The following NTM variants were observed in gnomAD, a reference collection of about 807,000 sequenced individuals.
NTM encodes the protein neurotrimin, also known as IgLON family member 2.
In NTM, 13 loss-of-function variants were observed where a neutral mutation model predicts 42.1. That is an observed-to-expected ratio of 0.31 (90% CI 0.20 to 0.49). The LOEUF (loss-of-function observed/expected upper bound fraction) is 0.49, where lower values mean the gene tolerates loss of function less well. Among genes scored for constraint, NTM ranks in the 20% least tolerant of loss-of-function variants. NTM has a pLI of 0.99. For synonymous variants in NTM, 187 were observed against 179.2 expected (o/e 1.04, Z -0.35); for missense variants, 373 against 452.8 (o/e 0.82, Z 1.60).
intron 1 of NTM, among the ~76,000 whole-genome samples, chr11:131,744,904 T>C (rs983221223): frequency 1.3e-5 from 2 of 152,206 alleles, no homozygotes; most frequent in Non-Finnish European, 2.9e-5. Flanking sequence ...GGATACCGAC[T>C]AAATATTAGA....
At position 131,485,389 on chromosome 11, in the gene NTM, C is replaced by A. The variant is rs557745022; in HGVS notation, c.82+114501C>A. 3.3e-5 allele frequency among the ~76,000 whole-genome samples: 5 copies of A among 152,240 alleles called. No homozygotes were observed. In the East Asian group the frequency reaches 5.8e-4, roughly 18 times the overall value. ...CTTCTGTGCCAGCTACCACAGCAGGCATTTTGTATAGATTATTTTGCAGGT... is the reference window on the plus strand; with the variant it reads ...CTTCTGTGCCAGCTACCACAGCAGGAATTTTGTATAGATTATTTTGCAGGT... On this transcript the variant is annotated intron_variant, in intron 1 of 8. Coordinates refer to ENST00000683400, the MANE Select transcript of NTM (RefSeq NM_001352005.2).
intron 1 of NTM, among the ~76,000 whole-genome samples, chr11:131,622,822 C>T (rs1051001137): frequency 2.0e-5 from 3 of 152,178 alleles, no homozygotes; most frequent in South Asian, 2.1e-4. Context: ...GCTGAGCAAT[C>T]GCACCGACCC....
intron 2 of NTM, among the ~76,000 whole-genome samples, chr11:132,091,034 C>T (rs1316086623): frequency 6.6e-6 from 1 of 152,144 alleles, no homozygotes; most frequent in East Asian, 1.9e-4. Context: ...GTCTTTCTTA[C>T]TCAAGAGGAT....
At chr11:131,962,253 A>G (rs2062275038) in intron 2 of NTM, among the ~76,000 whole-genome samples, 1 of 152,208 alleles carries the variant, frequency 6.6e-6, no homozygotes, top group Admixed American at 6.5e-5. Context: ...AGGAAGGATC[A>G]AGGGGTGTGA....
chr11:131,393,603 A>C (rs751880319), intron 1 of NTM, among the ~76,000 whole-genome samples: 5 of 152,012 alleles, frequency 3.3e-5, no homozygotes, highest in African/African-American at 4.8e-5. Context: ...TACTGCCCCC[A>C]CCACCACCTC....
intron 2 of NTM, among the ~76,000 whole-genome samples, chr11:132,091,457 T>C (rs1334868337): frequency 6.6e-6 from 1 of 152,022 alleles, no homozygotes; most frequent in East Asian, 1.9e-4. Flanking sequence ...CATAGTTGAC[T>C]ATATTTCTCA....
intron 3 of NTM, among the ~76,000 whole-genome samples, chr11:132,171,297 TGACAAAGTACCATA>T: frequency 6.6e-6 from 1 of 152,322 alleles, no homozygotes; most frequent in Admixed American, 6.5e-5. Flanking sequence ...CAAGCTGCTA[TGACAAAGTACCATA>T]GACTGGGTTG....
intron 3 of NTM, among the ~76,000 whole-genome samples, chr11:132,173,662 C>T (rs1236015889): frequency 1.3e-5 from 2 of 152,150 alleles, no homozygotes; most frequent in South Asian, 2.1e-4. Flanking sequence ...TGAAAACCAG[C>T]TTGTGGAGGA....
chr11:131,926,923 A>G (rs931933871), intron 2 of NTM, among the ~76,000 whole-genome samples: 5 of 152,232 alleles, frequency 3.3e-5, no homozygotes, highest in African/African-American at 4.8e-5. Flanking sequence ...TGTGCATGAT[A>G]TCCAATTTGA....
At chr11:131,735,054 C>T (rs1024884479) in intron 1 of NTM, among the ~76,000 whole-genome samples, 3 of 152,176 alleles carry the variant, frequency 2.0e-5, no homozygotes, top group Non-Finnish European at 2.9e-5. Flanking sequence ...ACTCAATGGC[C>T]TTTTTGCCAC....
chr11:131,401,042 T>C (rs2135677481), intron 1 of NTM, among the ~76,000 whole-genome samples: 1 of 147,174 alleles, frequency 6.8e-6, no homozygotes, highest in Non-Finnish European at 1.5e-5. Flanking sequence ...GAGTGAGGCA[T>C]GCATAGACAG....
chr11:131,442,007 C>T (rs1195072379), intron 1 of NTM, among the ~76,000 whole-genome samples: 26 of 152,138 alleles, frequency 1.7e-4, no homozygotes, highest in Admixed American at 1.1e-3. Flanking sequence ...TTAGATGCAC[C>T]ACTCCTCAGA....
chr11:131,767,868 G>C (rs1015509373), intron 1 of NTM, among the ~76,000 whole-genome samples: 1 of 152,112 alleles, frequency 6.6e-6, no homozygotes, highest in South Asian at 2.1e-4. Context: ...AGACAGGAGA[G>C]CAAGTCTCAA....
intron 1 of NTM, among the ~76,000 whole-genome samples, chr11:131,682,473 C>T (rs1426503110): frequency 6.6e-6 from 1 of 152,182 alleles, no homozygotes; most frequent in Non-Finnish European, 1.5e-5. Flanking sequence ...GAGGGCCCTC[C>T]CTCCTCGTGG....
At chr11:132,162,781 CTGTG>C (rs112701696) in intron 3 of NTM, among the ~76,000 whole-genome samples, 15 of 143,408 alleles carry the variant, frequency 1.0e-4, no homozygotes, top group African/African-American at 2.3e-4. Flanking sequence ...TTTGTGGGAC[CTGTG>C]TGTGTGTGTG....
chr11:132,084,819 C>G (rs2059504138), intron 2 of NTM, among the ~76,000 whole-genome samples: 1 of 152,000 alleles, frequency 6.6e-6, no homozygotes, highest in African/African-American at 2.4e-5. Context: ...AATCTTGTAC[C>G]AGGGAGAGAA....
chr11:131,633,846 C>T (rs1248345249), intron 1 of NTM, among the ~76,000 whole-genome samples: 1 of 147,648 alleles, frequency 6.8e-6, no homozygotes, highest in African/African-American at 2.5e-5. Context: ...GACATAAAAC[C>T]TATTTTGGTC....
At chr11:131,702,019 C>T (rs916886455) in intron 1 of NTM, among the ~76,000 whole-genome samples, 6 of 152,326 alleles carry the variant, frequency 3.9e-5, no homozygotes, top group Admixed American at 6.5e-5. Context: ...GTGGGAAAGA[C>T]GTGGCTCCCT....
In NTM at chr11:131,918,463, T is replaced by G. The variant is rs144384658; in HGVS notation, c.167+6815T>G. ...TTACCAGAAGAACCTCATTTAATCC[T>G]CACAGATACTCCATCAGGTGGACAC... On this transcript the variant is annotated intron_variant, in intron 2 of 8. Transcript: ENST00000683400. Among the ~76,000 whole-genome samples, 432 of 152,262 alleles carry G rather than the reference T, an allele frequency of 2.8e-3. 6 individuals carry two copies. The highest frequency in any genetic ancestry group is 9.5e-3 in the African/African-American group (395 of 41,540).
Sources: allele counts gnomAD v4.1 joint callset (sites outside exome capture counted in the v4.1 genomes callset), GRCh38; gene constraint gnomAD v4.1.1; transcripts MANE v1.5; gene names NCBI Gene and HGNC (gene_info 2026-07-23, HGNC 2026-07-21).